AVEN: variants seen among roughly 807,000 people sequenced by gnomAD.
AVEN encodes cell death regulator Aven.
Under a neutral mutation model 38.1 loss-of-function variants are expected in AVEN, and 41 were observed. That is an observed-to-expected ratio of 1.08 (90% CI 0.84 to 1.40). The LOEUF (loss-of-function observed/expected upper bound fraction) is 1.40. Ranked by LOEUF, AVEN falls within the 40% of genes most tolerant of loss-of-function variation. The pLI is 0.00. For missense variants in AVEN, 605 were observed against 438.8 expected, an observed-to-expected ratio of 1.38 and a Z score of -3.38; for synonymous variants, 206 against 171.8, an observed-to-expected ratio of 1.20 and a Z score of -1.56.
chr15:34,051,557 G>A (rs531184218), intron 5 of AVEN, among the ~76,000 whole-genome samples: 8 of 152,130 alleles, frequency 5.3e-5, no homozygotes, highest in Admixed American at 1.3e-4. Context: ...CTAGGAGCTG[G>A]TTTTTTGAAA....
rs1330406822 is a variant in AVEN at position 33,918,922 on chromosome 15, C to G, written c.446-42927G>C. Among the ~76,000 whole-genome samples, 5 of 103,358 alleles carry G rather than the reference C, an allele frequency of 4.8e-5. No homozygotes were observed. In the East Asian group the frequency reaches 1.5e-3, roughly 31 times the overall value. The allele number at this position is 103,358 out of a possible 152,430, so 67.8% of individuals were successfully genotyped here. On this transcript the variant is annotated intron_variant, in intron 2 of 5. Coordinates refer to ENST00000306730, the MANE Select transcript of AVEN (RefSeq NM_020371.3). ...TGAAATAGCCCATGCCTCTGCTTTT[C>G]TGTTTTTTTTTTTTTTGAAATGGAG...
At chr15:33,873,685 G>C (rs1891099528) in intron 3 of AVEN, among the ~76,000 whole-genome samples, 1 of 151,702 alleles carries the variant, frequency 6.6e-6, no homozygotes, top group African/African-American at 2.4e-5. Flanking sequence ...AAATCGTTTT[G>C]ATGGTGAAAT....
In AVEN at chr15:33,904,246, C is replaced by A. The variant is rs1377282806; in HGVS notation, c.446-28251G>T. 3.3e-5 allele frequency among the ~76,000 whole-genome samples: 5 copies of A among 152,096 alleles called. 1 individual carries two copies. In the South Asian group the frequency reaches 6.2e-4, roughly 19 times the overall value. ...ACCTACCTGGGCAATGTAGTGATACCCTGTCTCTACAAAATATTTAAAAAT... is the reference window on the plus strand; with the variant it reads ...ACCTACCTGGGCAATGTAGTGATACACTGTCTCTACAAAATATTTAAAAAT... On this transcript the variant is annotated intron_variant, in intron 2 of 5. Coordinates refer to ENST00000306730, the MANE Select transcript of AVEN (RefSeq NM_020371.3).
chr15:34,010,856 T>G (rs1897605928), intron 1 of AVEN, among the ~76,000 whole-genome samples: 1 of 152,260 alleles, frequency 6.6e-6, no homozygotes, highest in East Asian at 1.9e-4. Flanking sequence ...AATAGTTAAT[T>G]GCCAACTTTT....
rs185591911 is a variant in AVEN at position 34,020,553 on chromosome 15, C to T, written c.268-17344G>A. ...ATCATCTGGCAGAACATCCCCTCTT[C>T]TCACACCACCTCACAATTCTGAAAT... On this transcript the variant is annotated intron_variant, in intron 1 of 5. Transcript: ENST00000306730. Among the ~76,000 whole-genome samples the T allele has an allele frequency of 1.4e-3, 215 of 152,304 alleles. 2 individuals carry two copies. The highest frequency in any genetic ancestry group is 4.9e-3 in the African/African-American group (205 of 41,570).
intron 2 of AVEN, among the ~76,000 whole-genome samples, chr15:33,969,706 T>A (rs1895545279): frequency 6.6e-6 from 1 of 152,078 alleles, no homozygotes; most frequent in East Asian, 1.9e-4. Flanking sequence ...AGGGCTAATT[T>A]ATCCTAAAGA....
Position 33,867,749 on chromosome 15 carries a change from G to C in AVEN, c.719C>G (p.Pro240Arg), listed in dbSNP as rs749529048. The change falls in exon 5 of 6, where the codon CCC becomes CGC. Residue 240 changes from proline to arginine, a missense_variant. Transcript: ENST00000306730. ...KGPLGPGGRG[P>R]IFELKSVAAG... ...AGCCACAGATTTCAGCTCAAAGATG[G>C]GCCCCCTTCCTCCAGGCCCCAAGGG... 6.2e-7 allele frequency: 1 copy of C among 1,614,118 alleles called. No individual in the cohort carries two copies. Among genetic ancestry groups the C allele is most frequent in the Non-Finnish European group, 8.5e-7 (1 of 1,180,020 alleles).
At chr15:33,996,292 T>TA (rs201067502) in intron 2 of AVEN, among the ~76,000 whole-genome samples, 3,254 of 152,304 alleles carry the variant, frequency 0.021, 110 homozygotes, top group African/African-American at 0.073. Flanking sequence ...TCTGCAGACT[T>TA]AAACGTCCCT....
chr15:33,877,337 G>C lies in AVEN; in HGVS notation c.446-1342C>G, dbSNP rs1253344462. Among the ~76,000 whole-genome samples, 3 of 152,202 alleles carry C rather than the reference G, an allele frequency of 2.0e-5. No homozygotes were observed. In the East Asian group the frequency reaches 5.8e-4, roughly 29 times the overall value. ...AAGAGCAACCAATGCGATTAGAAAAGAGGATGAATTAAAAGGCATCAACAC... is the reference window on the plus strand; with the variant it reads ...AAGAGCAACCAATGCGATTAGAAAACAGGATGAATTAAAAGGCATCAACAC... On this transcript the variant is annotated intron_variant, in intron 2 of 5. Coordinates refer to ENST00000306730, the MANE Select transcript of AVEN (RefSeq NM_020371.3).
intron 1 of AVEN, chr15:34,018,261 ATT>A (rs1300462133): frequency 6.6e-6 from 1 of 152,180 alleles, no homozygotes; most frequent in Admixed American, 6.5e-5. Context: ...AGACAGTGAT[ATT>A]GTGTCCGGAA....
chr15:33,933,518 CACACACAGAGAGAG>C lies in AVEN; in HGVS notation c.446-57537_446-57524del, dbSNP rs879934754. On this transcript the variant is annotated intron_variant, in intron 2 of 5. Coordinates refer to ENST00000306730, the MANE Select transcript of AVEN (RefSeq NM_020371.3). ...ACACACACACACACACACACACACA[CACACACAGAGAGAG>C]AGAGAGAGAGAGAGAGAGAGAGAGA... 5.4e-3 allele frequency among the ~76,000 whole-genome samples: 616 copies of C among 114,086 alleles called. 2 individuals are homozygous for C. Among genetic ancestry groups the C allele is most frequent in the Admixed American group, 7.7e-3 (84 of 10,930 alleles). The allele number at this position is 114,086 out of a possible 152,430, so 74.8% of individuals were successfully genotyped here.
intron 2 of AVEN, among the ~76,000 whole-genome samples, chr15:33,899,463 T>C (rs1334411128): frequency 1.5e-4 from 1 of 6,712 alleles, no homozygotes; most frequent in African/African-American, 5.5e-4. Flanking sequence ...GGAAAACCTT[T>C]TTTTTTTTTT....
At chr15:33,937,351 G>A (rs8041869) in intron 2 of AVEN, among the ~76,000 whole-genome samples, 88 of 150,178 alleles carry the variant, frequency 5.9e-4, no homozygotes, top group Admixed American at 3.0e-3. Flanking sequence ...TGGCTAACAC[G>A]GTGAAACCCA....
chr15:33,999,017 A>G (rs1897042830), intron 2 of AVEN, among the ~76,000 whole-genome samples: 1 of 152,218 alleles, frequency 6.6e-6, no homozygotes, highest in Non-Finnish European at 1.5e-5. Flanking sequence ...CATGTCGCCT[A>G]TTAGATGTTG....
At chr15:33,867,337 G>A (rs193037128) in intron 5 of AVEN, among the ~76,000 whole-genome samples, 158 bp downstream of exon 5, 1 of 144,662 alleles carries the variant, frequency 6.9e-6, no homozygotes, top group South Asian at 2.1e-4. Context: ...GGTCAGCTCA[G>A]GGGGAAGCAG....
chr15:33,945,570 C>A (rs1894473998), intron 2 of AVEN, among the ~76,000 whole-genome samples: 1 of 151,936 alleles, frequency 6.6e-6, no homozygotes, highest in Non-Finnish European at 1.5e-5. Context: ...CTGCTTGGTG[C>A]ACTCTTAGAA....
At chr15:34,014,197 T>A (rs11635479) in intron 1 of AVEN, among the ~76,000 whole-genome samples, 22,542 of 151,776 alleles carry the variant, frequency 0.15, 2,080 homozygotes, top group Middle Eastern at 0.28. Context: ...ACCCCATCTC[T>A]ACTAAAAATA....
At chr15:34,068,894 G>C (rs961900039) in intron 2 of AVEN, among the ~76,000 whole-genome samples, 10 of 148,976 alleles carry the variant, frequency 6.7e-5, no homozygotes, top group Non-Finnish European at 1.3e-4. Context: ...TCACTGCAAG[G>C]TCCGCCTCCC....
chr15:33,896,676 A>G (rs1892247506), intron 2 of AVEN, among the ~76,000 whole-genome samples: 1 of 152,196 alleles, frequency 6.6e-6, no homozygotes, highest in Admixed American at 6.5e-5. Flanking sequence ...AGCTGGTATA[A>G]GCCTGCATCC....
Sources: gnomAD v4.1 joint callset for allele counts (sites outside exome capture counted in the v4.1 genomes callset) on GRCh38, gnomAD v4.1.1 for gene constraint, MANE v1.5 for transcripts, NCBI Gene and HGNC (gene_info 2026-07-23, HGNC 2026-07-21) for gene names.